CAST: variants seen among roughly 807,000 people sequenced by gnomAD.
CAST encodes MIR583 host.
Under a neutral mutation model 119.6 loss-of-function variants are expected in CAST, and 76 were observed. That is an observed-to-expected ratio of 0.64 (90% CI 0.53 to 0.77). The LOEUF (loss-of-function observed/expected upper bound fraction) is 0.77. CAST is among the 30% of genes least tolerant of loss of function. The pLI is 0.00. For missense variants in CAST, 953 were observed against 946.5 expected, an observed-to-expected ratio of 1.01 and a Z score of -0.09; for synonymous variants, 319 against 331.6, an observed-to-expected ratio of 0.96 and a Z score of 0.41.
chr5:96,169,638 G>A, the CAST span, among the ~76,000 whole-genome samples: 49 of 152,258 alleles, frequency 3.2e-4, no homozygotes, highest in Middle Eastern at 6.8e-3. Context: ...GGATATTGGC[G>A]TTGAGTGGGG....
the CAST span, chr5:96,398,800 A>G: frequency 3.4e-6 from 4 of 1,159,994 alleles, no homozygotes; most frequent in Non-Finnish European, 5.2e-6. Context: ...TGTTCTATGA[A>G]TAAACAAAAG....
intron 1 of CAST, among the ~76,000 whole-genome samples, chr5:96,606,821 G>C (rs1414603670): frequency 6.6e-6 from 1 of 152,032 alleles, no homozygotes; most frequent in Non-Finnish European, 1.5e-5. Flanking sequence ...TGGTTCTTAG[G>C]GTGTAGTCCC....
the CAST span, among the ~76,000 whole-genome samples, chr5:96,221,956 G>T: frequency 2.0e-5 from 3 of 151,852 alleles, no homozygotes; most frequent in African/African-American, 2.4e-5. Flanking sequence ...ATAAATCCAC[G>T]TATTTACAGC....
intron 2 of CAST, among the ~76,000 whole-genome samples, chr5:96,678,566 C>T (rs989512820): frequency 6.6e-5 from 10 of 152,006 alleles, no homozygotes; most frequent in African/African-American, 2.4e-4. Flanking sequence ...CATGGAGGGC[C>T]GGGTGCGGTG....
At chr5:96,540,907 A>G (rs536863136) in intron 1 of CAST, among the ~76,000 whole-genome samples, 1 of 152,210 alleles carries the variant, frequency 6.6e-6, no homozygotes, top group Non-Finnish European at 1.5e-5. Context: ...TTCATTGTAC[A>G]TACTATCAAC....
the CAST span, among the ~76,000 whole-genome samples, chr5:96,414,803 C>G: frequency 6.6e-6 from 1 of 152,182 alleles, no homozygotes; most frequent in Non-Finnish European, 1.5e-5. Context: ...ATTTGTGCTT[C>G]TCCCTTCATT....
the CAST span, among the ~76,000 whole-genome samples, chr5:96,308,196 T>C: frequency 6.6e-6 from 1 of 151,896 alleles, no homozygotes; most frequent in Non-Finnish European, 1.5e-5. Context: ...CTTTATTTCA[T>C]TGAGTTGATC....
rs141867035 is a variant in CAST at position 96,639,666 on chromosome 5, C to A, written c.61-35873C>A. ...AGGCGAGGATGGGCCATGCAGGGAC[C>A]ATATCAACCTAAAAAGTCACCCAAA... On this transcript the variant is annotated intron_variant, in intron 1 of 11. Transcript: ENST00000505143. 3.3e-5 allele frequency among the ~76,000 whole-genome samples: 5 copies of A among 152,252 alleles called. No homozygotes were observed. The East Asian group carries it at 9.6e-4, about 29-fold the overall frequency.
the CAST span, among the ~76,000 whole-genome samples, chr5:96,167,962 G>A: frequency 6.6e-6 from 1 of 152,204 alleles, no homozygotes; most frequent in African/African-American, 2.4e-5. Flanking sequence ...ATTTCCTTAA[G>A]GATAGATTTC....
chr5:96,248,014 AC>A, the CAST span: 1 of 152,258 alleles, frequency 6.6e-6, no homozygotes, highest in Non-Finnish European at 1.5e-5. Context: ...GCCACTGCTT[AC>A]AGGTAATATA....
the CAST span, among the ~76,000 whole-genome samples, chr5:96,051,772 T>A: frequency 3.9e-5 from 6 of 152,136 alleles, no homozygotes; most frequent in Non-Finnish European, 7.4e-5. Context: ...TTCTTAGTAG[T>A]CCCAAACCGG....
chr5:96,747,531 G>T, intron 18 of CAST, 139 bp downstream of exon 18: 1 of 539,204 alleles, frequency 1.9e-6, no homozygotes, highest in Non-Finnish European at 3.3e-6. Context: ...ACTTCTGATG[G>T]TAACACTTGG....
the CAST span, among the ~76,000 whole-genome samples, chr5:96,261,834 G>T: frequency 9.2e-3 from 1,401 of 152,256 alleles, 26 homozygotes; most frequent in African/African-American, 0.033. Flanking sequence ...GGACAGTGCA[G>T]GTCTGAAAGA....
At chr5:96,561,519 C>G (rs1746360549) in intron 1 of CAST, among the ~76,000 whole-genome samples, 1 of 150,384 alleles carries the variant, frequency 6.6e-6, no homozygotes, top group African/African-American at 2.5e-5. Flanking sequence ...ACAATGAGAA[C>G]ACATGGACAA....
chr5:96,665,881 TAC>T (rs1749273593), intron 1 of CAST, among the ~76,000 whole-genome samples: 1 of 151,982 alleles, frequency 6.6e-6, no homozygotes, highest in African/African-American at 2.4e-5. Context: ...TGTATGTATC[TAC>T]AGATATAAAT....
the CAST span, among the ~76,000 whole-genome samples, chr5:96,440,174 C>CTTTTTTTTTT: frequency 1.4e-5 from 2 of 143,266 alleles, no homozygotes; most frequent in Non-Finnish European, 1.5e-5. Context: ...TTTATCCCAC[C>CTTTTTTTTTT]TTTTTTTTTT....
At chr5:96,719,879 G>A (rs895819179) in intron 3 of CAST, among the ~76,000 whole-genome samples, 3 of 152,104 alleles carry the variant, frequency 2.0e-5, no homozygotes, top group Non-Finnish European at 2.9e-5. Context: ...CAGCCTGAGC[G>A]ATCCCTCCTT....
At chr5:96,500,800 G>A in the CAST span, among the ~76,000 whole-genome samples, 2 of 152,234 alleles carry the variant, frequency 1.3e-5, no homozygotes, top group Non-Finnish European at 2.9e-5. Flanking sequence ...GCTGTTAAAT[G>A]TGTAACTATG....
At chr5:96,541,576 A>G (rs1745913969) in intron 1 of CAST, among the ~76,000 whole-genome samples, 1 of 152,212 alleles carries the variant, frequency 6.6e-6, no homozygotes, top group Non-Finnish European at 1.5e-5. Flanking sequence ...AGTATTATAC[A>G]GAACAGTTTC....
Sources: allele counts gnomAD v4.1 joint callset (sites outside exome capture counted in the v4.1 genomes callset), GRCh38; gene constraint gnomAD v4.1.1; transcripts MANE v1.5; gene names NCBI Gene and HGNC (gene_info 2026-07-23, HGNC 2026-07-21).